The following ZNF3 variants were observed in gnomAD, a reference collection of about 807,000 sequenced individuals.
The protein encoded by ZNF3 is zinc finger protein 3.
A neutral mutation model predicts 36.9 loss-of-function variants in ZNF3; 16 were observed. That is an observed-to-expected ratio of 0.43 (90% CI 0.29 to 0.66). The LOEUF is 0.66. Ranked by LOEUF, ZNF3 falls within the 30% of genes least tolerant of loss-of-function variation. The pLI, the probability that ZNF3 is intolerant of heterozygous loss-of-function variation, is 0.13. For missense variants in ZNF3, 462 were observed against 543.1 expected (o/e 0.85, Z 1.48); for synonymous variants, 201 against 201.9 (o/e 1.00, Z 0.04).
At chr7:100,069,674 C>T (rs563873993), downstream of ZNF3, among the ~76,000 whole-genome samples, 8 of 151,104 alleles carry the variant, frequency 5.3e-5, no homozygotes, top group East Asian at 1.2e-3. Flanking sequence ...AGTTCAATGG[C>T]GCGATCTCAG....
At chr7:100,080,379 A>G (rs1794795712) in intron 1 of ZNF3, among the ~76,000 whole-genome samples, 1 of 152,214 alleles carries the variant, frequency 6.6e-6, no homozygotes, top group Non-Finnish European at 1.5e-5. Flanking sequence ...CTGTAACCCC[A>G]GCACTTTAGG....
intron 2 of ZNF3, chr7:100,079,177 A>T (rs986994941): frequency 1.3e-5 from 2 of 152,210 alleles, no homozygotes; most frequent in African/African-American, 4.8e-5. Flanking sequence ...CCTCTTATCA[A>T]CCACCTTTAC....
At chr7:100,077,583 ATTT>A (rs1012945859) in intron 2 of ZNF3, 150 bp from the exon 3 acceptor site, 1 of 662,970 alleles carries the variant, frequency 1.5e-6, no homozygotes, top group African/African-American at 1.9e-5. Flanking sequence ...TTATTTTTTA[ATTT>A]TTTTTTTCCT....
rs539239513 is a variant in ZNF3 at position 100,070,149 on chromosome 7, CGTTTTTTT to C, written c.*986_*993del. The stretch of plus-strand genomic sequence containing the variant: ...GGCACAGCCTGCCTTCTCTGGGCTT[CGTTTTTTT>C]GTTTTTTTGTTTTTTTTTTCTCCCT... On this transcript the variant is annotated 3_prime_UTR_variant, in exon 6 of 6. Coordinates refer to ENST00000299667, the MANE Select transcript of ZNF3 (RefSeq NM_032924.5). The C allele has an allele frequency of 5.0e-4, 487 of 982,096 alleles. 1 individual carries two copies. Among genetic ancestry groups the C allele is most frequent in the African/African-American group, 4.6e-3 (258 of 56,434 alleles). The allele number at this position is 982,096 out of a possible 1,614,324, so 60.8% of individuals were successfully genotyped here.
chr7:100,065,483 G>C (rs1792601620), downstream of ZNF3, among the ~76,000 whole-genome samples: 1 of 151,970 alleles, frequency 6.6e-6, no homozygotes, highest in Non-Finnish European at 1.5e-5. Context: ...CCAAGAGCCA[G>C]GGGCCATGTT....
In ZNF3 at chr7:100,080,524, A is replaced by C. The variant is rs143272582; in HGVS notation, c.-197-868T>G. Among the ~76,000 whole-genome samples, 150 of 152,240 alleles carry C rather than the reference A, an allele frequency of 9.9e-4. No individual in the cohort carries two copies. In the East Asian group the frequency reaches 0.026, roughly 26 times the overall value. Reference sequence around the variant, plus strand: ...ACAAACATTTTAAAAGGAAAAAAAAAAAAAAGGCCGGGCGCGGTGGCTAAC... The same window carrying C: ...ACAAACATTTTAAAAGGAAAAAAAACAAAAAGGCCGGGCGCGGTGGCTAAC... On this transcript the variant is annotated intron_variant, in intron 1 of 5. Coordinates refer to ENST00000299667, the MANE Select transcript of ZNF3 (RefSeq NM_032924.5).
chr7:100,071,801 T>C lies in ZNF3; in HGVS notation c.683A>G (p.Tyr228Cys). ...HQRIHTGEKP[Y>C]ECNECGKAFS... ...GGCCTTCCCACACTCATTACATTCATAGGGCTTTTCCCCAGTGTGGATTCT... is the reference window on the plus strand; with the variant it reads ...GGCCTTCCCACACTCATTACATTCACAGGGCTTTTCCCCAGTGTGGATTCT... The change falls in exon 6 of 6, where the codon TAT (tyrosine) becomes TGT (cysteine). Residue 228 changes from tyrosine (Y) to cysteine (C), a missense_variant. Transcript: ENST00000299667. The C allele has an allele frequency of 6.2e-7, 1 of 1,613,924 alleles. No individual in the cohort carries two copies. Among genetic ancestry groups the C allele is most frequent in the Non-Finnish European group, 8.5e-7 (1 of 1,179,836 alleles).
upstream of ZNF3, chr7:100,082,534 C>T (rs1409110472): frequency 1.3e-5 from 2 of 151,854 alleles, no homozygotes; most frequent in Non-Finnish European, 2.9e-5. Flanking sequence ...TGCAGTGAGC[C>T]GACATCGCAC....
At chr7:100,076,757 C>T (rs2116404482) in intron 3 of ZNF3, among the ~76,000 whole-genome samples, 1 of 152,280 alleles carries the variant, frequency 6.6e-6, no homozygotes. Context: ...GACACGGTTT[C>T]ATTAATCTCG....
At chr7:100,066,764 G>T (rs1792673018), downstream of ZNF3, among the ~76,000 whole-genome samples, 1 of 151,952 alleles carries the variant, frequency 6.6e-6, no homozygotes, top group African/African-American at 2.4e-5. Context: ...GCCGGGTGTG[G>T]TGGCTCACGC....
intron 3 of ZNF3, 21 bp from the exon 4 acceptor site, chr7:100,075,651 C>T (rs758579321): frequency 6.2e-7 from 1 of 1,612,350 alleles, no homozygotes; most frequent in Admixed American, 1.7e-5. Context: ...ATAAAAGGGC[C>T]CAGGAATGAG....
chr7:100,069,551 CAAAAAAAA>C (rs57428777), downstream of ZNF3, among the ~76,000 whole-genome samples: 5 of 107,934 alleles, frequency 4.6e-5, no homozygotes, highest in South Asian at 2.9e-4. Flanking sequence ...GACTCTGTCT[CAAAAAAAA>C]AAAAAAAAAA....
chr7:100,064,627 G>A lies in ZNF3; in HGVS notation c.*161C>T, dbSNP rs897700272. On this transcript the variant is annotated 3_prime_UTR_variant, in exon 6 of 6. Transcript: ENST00000413658. The stretch of plus-strand genomic sequence containing the variant: ...GGGAGAAGCACCGTAACTTTCAAGC[G>A]CTCCTGTTGTTGTCGTTGTTTTAAA... The A allele has an allele frequency of 1.5e-5, 24 of 1,606,348 alleles. No homozygotes were observed. In the Admixed American group the frequency reaches 1.5e-4, roughly 10 times the overall value.
At chr7:100,066,598 G>A (rs1020591662), downstream of ZNF3, among the ~76,000 whole-genome samples, 5 of 151,670 alleles carry the variant, frequency 3.3e-5, no homozygotes, top group African/African-American at 1.2e-4. Context: ...TTAGCTGGGC[G>A]TGGTGGCGGG....
In ZNF3 at chr7:100,081,364, AC is replaced by A. The variant is rs1176154768; in HGVS notation, c.-198+270del. On this transcript the variant is annotated intron_variant, in intron 1 of 5. Transcript: ENST00000299667. This position sits in a 1 kb window ranked among gnomAD's most constrained non-coding sequence, Gnocchi z 4.3. ...GAGGCGCCCCTACCGCTCTGCTGAA[AC>A]TTTTAAACGCTCCAGCTGGGTCGCC... Among the ~76,000 whole-genome samples, 2 of 152,336 alleles carry A rather than the reference AC, an allele frequency of 1.3e-5. No homozygotes were observed. Among genetic ancestry groups the A allele is most frequent in the Non-Finnish European group, 2.9e-5 (2 of 68,024 alleles).
rs759319469 is a variant in ZNF3 at position 100,071,885 on chromosome 7, T to A, written c.599A>T (p.His200Leu). Residue 200 changes from histidine (H) to leucine (L), a missense_variant, in exon 6 of 6, where the codon CAT becomes CTT. By Grantham distance (99) the His-to-Leu change is moderately conservative. Transcript: ENST00000299667. ...GCTCTTGCTACATTCATCACACTTA[T>A]GGGGTCTGTCTCCCACGGGGAGTCT... is the stretch of plus-strand genomic sequence containing the variant. Reference protein sequence around the residue: ...HQRLPVGDRPHKCDECSKSFN... With the variant: ...HQRLPVGDRPLKCDECSKSFN... 1 of 1,614,240 alleles carries A rather than the reference T, an allele frequency of 6.2e-7. No individual in the cohort carries two copies. The highest frequency in any genetic ancestry group is 8.5e-7 in the Non-Finnish European group (1 of 1,180,034).
At position 100,077,387 on chromosome 7, in the gene ZNF3, G is replaced by A. The variant is rs369432477; in HGVS notation, c.-30C>T. On this transcript the variant is annotated 5_prime_UTR_variant, in exon 3 of 6. Transcript: ENST00000299667. ...GGGCAAGGTGCTCTCTGGTCTCCTG[G>A]GTGCAGACTCAGCGGGAAGCGGGTT... 40 of 1,613,336 alleles carry A rather than the reference G, an allele frequency of 2.5e-5. No homozygotes were observed. Among genetic ancestry groups the A allele is most frequent in the Non-Finnish European group, 3.2e-5 (38 of 1,179,872 alleles).
At chr7:100,069,357 C>T (rs968048295), downstream of ZNF3, among the ~76,000 whole-genome samples, 1 of 152,040 alleles carries the variant, frequency 6.6e-6, no homozygotes, top group African/African-American at 2.4e-5. Flanking sequence ...TTAAGACCAG[C>T]CTGGGCAACA....
chr7:100,081,947 T>C (rs1041606781), upstream of ZNF3, among the ~76,000 whole-genome samples: 2 of 152,138 alleles, frequency 1.3e-5, no homozygotes, highest in African/African-American at 4.8e-5. This position sits in a 1 kb window ranked among gnomAD's most constrained non-coding sequence, Gnocchi z 4.3. Flanking sequence ...CGCCCTCTGC[T>C]GGCCACGAAT....
Sources: allele counts gnomAD v4.1 joint callset (sites outside exome capture counted in the v4.1 genomes callset), GRCh38; gene constraint gnomAD v4.1.1; non-coding constraint Gnocchi (gnomAD v3.1); transcripts MANE v1.5; gene names NCBI Gene and HGNC (gene_info 2026-07-23, HGNC 2026-07-21).